Variants in OPCML observed in about 807,000 individuals in gnomAD.
The protein encoded by OPCML is opioid binding protein/cell adhesion molecule like, also known as opioid-binding protein/cell adhesion molecule.
Under a neutral mutation model 37.8 loss-of-function variants are expected in OPCML, and 13 were observed. The observed-to-expected ratio is 0.34, with a 90% CI of 0.22 to 0.55. OPCML has a LOEUF of 0.55. Among genes scored for constraint, OPCML ranks in the 20% least tolerant of loss-of-function variants. The probability of loss-of-function intolerance (pLI) is 0.91; values close to 1 mark genes in which losing one functional copy is unlikely to be tolerated. For missense variants in OPCML, 341 were observed against 435.6 expected (o/e 0.78, Z 1.93); for synonymous variants, 176 against 168.8 (o/e 1.04, Z -0.33).
intron 1 of OPCML, among the ~76,000 whole-genome samples, chr11:133,190,661 C>A (rs1208796142): frequency 6.6e-6 from 1 of 152,170 alleles, no homozygotes; most frequent in African/African-American, 2.4e-5. Context: ...TCTATACAAC[C>A]ACTCATATAA....
intron 7 of OPCML, among the ~76,000 whole-genome samples, chr11:132,422,936 T>G (rs1243179005): frequency 6.6e-6 from 1 of 152,220 alleles, no homozygotes; most frequent in Non-Finnish European, 1.5e-5. Context: ...TGAGTGACGT[T>G]CCCTCTCCGG....
At chr11:133,432,528 A>G (rs1946144372) in intron 1 of OPCML, among the ~76,000 whole-genome samples, 1 of 152,116 alleles carries the variant, frequency 6.6e-6, no homozygotes. Context: ...GGCACGAGCC[A>G]CCATGCCCAG....
chr11:132,465,683 T>C (rs922744046), intron 4 of OPCML, among the ~76,000 whole-genome samples: 2 of 152,192 alleles, frequency 1.3e-5, no homozygotes, highest in African/African-American at 2.4e-5. Flanking sequence ...CTGTAATAAG[T>C]TTTTTGACAT....
At chr11:133,331,131 A>G (rs1943610220) in intron 1 of OPCML, among the ~76,000 whole-genome samples, 1 of 152,216 alleles carries the variant, frequency 6.6e-6, no homozygotes, top group South Asian at 2.1e-4. Flanking sequence ...TTGCTCTATT[A>G]TTATAGAAAG....
intron 1 of OPCML, among the ~76,000 whole-genome samples, chr11:133,091,061 A>T (rs1948897806): frequency 1.3e-5 from 2 of 152,194 alleles, no homozygotes; most frequent in Non-Finnish European, 2.9e-5. Context: ...AGACCCAGGG[A>T]TGACTAACAT....
chr11:132,907,870 C>T (rs1320596866), intron 2 of OPCML, among the ~76,000 whole-genome samples: 1 of 152,112 alleles, frequency 6.6e-6, no homozygotes, highest in African/African-American at 2.4e-5. Context: ...GACATCTGTG[C>T]ATGTGGAGGC....
intron 1 of OPCML, among the ~76,000 whole-genome samples, chr11:132,968,334 A>G (rs1946260041): frequency 1.3e-5 from 2 of 152,196 alleles, no homozygotes; most frequent in Admixed American, 6.5e-5. Context: ...TGGAAAGTCC[A>G]AGGTTAAGAG....
chr11:132,760,405 G>A (rs1946217237), intron 2 of OPCML, among the ~76,000 whole-genome samples: 1 of 151,998 alleles, frequency 6.6e-6, no homozygotes, highest in Admixed American at 6.6e-5. Context: ...GAGTGTTAAA[G>A]TCTCCCCCTC....
At chr11:132,441,165 G>GTTTTTTTTTTTTT (rs68143578) in intron 4 of OPCML, among the ~76,000 whole-genome samples, 14 of 72,402 alleles carry the variant, frequency 1.9e-4, no homozygotes, top group African/African-American at 9.8e-4. Context: ...GGACTTTTTT[G>GTTTTTTTTTTTTT]TTTTTTTTTT....
At chr11:133,136,876 T>TGTGTGTGTGTGTGTG (rs1949700828) in intron 1 of OPCML, among the ~76,000 whole-genome samples, 1 of 102,482 alleles carries the variant, frequency 9.8e-6, no homozygotes, top group Non-Finnish European at 2.1e-5. Context: ...TGTGTGTGTG[T>TGTGTGTGTGTGTGTG]TGGGGAAGGG....
intron 1 of OPCML, among the ~76,000 whole-genome samples, chr11:133,305,645 G>T (rs573514719): frequency 1.3e-5 from 2 of 152,216 alleles, no homozygotes; most frequent in South Asian, 4.1e-4. Context: ...TTACATTAGG[G>T]TTCCCCTCCA....
chr11:132,926,848 T>C (rs1048219541), intron 2 of OPCML, among the ~76,000 whole-genome samples: 4 of 151,808 alleles, frequency 2.6e-5, no homozygotes, highest in African/African-American at 4.8e-5. Context: ...GAAAACAATA[T>C]ATGAATAAAA....
At chr11:132,481,513 G>C (rs532001784) in intron 4 of OPCML, among the ~76,000 whole-genome samples, 2,177 of 149,840 alleles carry the variant, frequency 0.015, 68 homozygotes, top group African/African-American at 0.051. Context: ...AGATGAACGA[G>C]ACAGAAAGTC....
chr11:133,024,897 A>T, intron 1 of OPCML: 1 of 985,454 alleles, frequency 1.0e-6, no homozygotes, highest in Non-Finnish European at 1.2e-6. Flanking sequence ...GAGTGCATAA[A>T]GATTATCTAC....
chr11:132,701,791 TGTG>T (rs763880057), intron 2 of OPCML, among the ~76,000 whole-genome samples: 121 of 143,726 alleles, frequency 8.4e-4, no homozygotes, highest in Admixed American at 1.7e-3. Context: ...TGTGTGTGTG[TGTG>T]TGGTGGTGGT....
intron 1 of OPCML, among the ~76,000 whole-genome samples, chr11:133,408,623 G>A (rs781515883): frequency 7.9e-5 from 12 of 152,108 alleles, no homozygotes; most frequent in Non-Finnish European, 1.2e-4. Flanking sequence ...ACCACCCAGA[G>A]GCAGGGCTGC....
chr11:132,540,466 G>A (rs2096353491), intron 3 of OPCML, among the ~76,000 whole-genome samples: 1 of 152,280 alleles, frequency 6.6e-6, no homozygotes, highest in Non-Finnish European at 1.5e-5. Context: ...ATTGGAACTA[G>A]GTGAGTTGTG....
intron 1 of OPCML, among the ~76,000 whole-genome samples, chr11:133,225,313 A>C (rs903045343): frequency 6.6e-6 from 1 of 152,118 alleles, no homozygotes; most frequent in African/African-American, 2.4e-5. Flanking sequence ...GTAACAGAAA[A>C]CCACAGAATT....
chr11:133,487,840 T>G (rs563794889), intron 1 of OPCML, among the ~76,000 whole-genome samples: 34 of 151,978 alleles, frequency 2.2e-4, no homozygotes, highest in African/African-American at 8.0e-4. Context: ...AATCAGAATC[T>G]CAGTGATGTT....
Sources: allele counts gnomAD v4.1 joint callset (sites outside exome capture counted in the v4.1 genomes callset), GRCh38; gene constraint gnomAD v4.1.1; transcripts MANE v1.5; gene names NCBI Gene and HGNC (gene_info 2026-07-23, HGNC 2026-07-21).